The following ESYT3 variants were observed in gnomAD, a reference collection of about 807,000 sequenced individuals.
ESYT3 encodes extended synaptotagmin 3, also known as extended synaptotagmin-3.
ESYT3 carries 101 observed loss-of-function variants against 111.5 expected under a neutral mutation model. The ratio of observed to expected loss-of-function variants is 0.91; its 90% CI spans 0.77 to 1.07. ESYT3 has a LOEUF of 1.07. ESYT3 is among the 50% of genes least tolerant of loss of function. The pLI is 0.00. For missense variants in ESYT3, 1,097 were observed against 1,109.4 expected (o/e 0.99, Z 0.16); for synonymous variants, 416 against 446.8 (o/e 0.93, Z 0.87).
chr3:138,474,400 T>C (rs1188689049), intron 20 of ESYT3, 48 bp downstream of exon 20: 2 of 1,533,238 alleles, frequency 1.3e-6, no homozygotes, highest in Non-Finnish European at 1.7e-6. Context: ...ATTCAAGTAT[T>C]TTCCAAGTAC....
At chr3:138,443,265 T>C (rs1162341168) in intron 1 of ESYT3, among the ~76,000 whole-genome samples, 1 of 152,226 alleles carries the variant, frequency 6.6e-6, no homozygotes, top group African/African-American at 2.4e-5. Flanking sequence ...GGCAAAGCAA[T>C]TGTTTCCCTC....
chr3:138,463,042 G>A (rs1013302437), intron 8 of ESYT3, among the ~76,000 whole-genome samples: 39 of 152,066 alleles, frequency 2.6e-4, no homozygotes, highest in African/African-American at 8.2e-4. Context: ...CCCTTTCTTC[G>A]ATAGATGGCA....
chr3:138,463,213 G>A (rs1011211952), intron 8 of ESYT3, among the ~76,000 whole-genome samples: 1 of 152,036 alleles, frequency 6.6e-6, no homozygotes, highest in African/African-American at 2.4e-5. Flanking sequence ...TCCAGCCTCA[G>A]CCTTCTGAGT....
intron 9 of ESYT3, 81 bp downstream of exon 9, chr3:138,464,596 G>T: frequency 6.8e-7 from 1 of 1,469,092 alleles, no homozygotes; most frequent in Middle Eastern, 1.7e-4. Flanking sequence ...ACTAGGCAGG[G>T]AGTGGGCCTT....
chr3:138,439,361 C>T (rs1434885568), intron 1 of ESYT3, among the ~76,000 whole-genome samples: 1 of 152,084 alleles, frequency 6.6e-6, no homozygotes, highest in African/African-American at 2.4e-5. Context: ...TGTGGAACCC[C>T]CTGCACCCTG....
intron 1 of ESYT3, among the ~76,000 whole-genome samples, chr3:138,450,087 GAATC>G (rs2031826442): frequency 6.6e-6 from 1 of 152,164 alleles, no homozygotes; most frequent in South Asian, 2.1e-4. Flanking sequence ...AGTGACGAAC[GAATC>G]AATCAAAGGG....
In ESYT3 at chr3:138,435,253, C is replaced by T; in HGVS notation, c.327+128C>T. 1.1e-6 allele frequency: 1 copy of T among 906,924 alleles called. No individual in the cohort carries two copies. Among genetic ancestry groups the T allele is most frequent in the Non-Finnish European group, 1.6e-6 (1 of 618,876 alleles). 56.2% of individuals were successfully genotyped at this position (906,924 alleles called of 1,614,324 possible). The stretch of plus-strand genomic sequence containing the variant: ...CGGGAGCCCGGCGACCTGCACACCC[C>T]GTTCCCCACCGCTCCCGGGGCGCAG... On this transcript the variant is annotated intron_variant, in intron 1 of 22. Transcript: ENST00000389567. The surrounding 1 kb of genome is among the most constrained non-coding windows in gnomAD (Gnocchi z 4.8).
intron 2 of ESYT3, among the ~76,000 whole-genome samples, chr3:138,454,776 C>G (rs1217490818): frequency 1.3e-5 from 2 of 152,200 alleles, no homozygotes; most frequent in Non-Finnish European, 2.9e-5. Flanking sequence ...AAAATGAAAT[C>G]CACAGGAAAC....
Position 138,459,927 on chromosome 3 carries a change from C to A in ESYT3, c.649-18C>A. ...AAAGTAGGCCTGGGCCCCTCACGGGCCCTCTGTGCCTATCCAGTTGCAGGG... is the reference window on the plus strand; with the variant it reads ...AAAGTAGGCCTGGGCCCCTCACGGGACCTCTGTGCCTATCCAGTTGCAGGG... On this transcript the variant is annotated intron_variant, in intron 5 of 22. Coordinates refer to ENST00000389567, the MANE Select transcript of ESYT3 (RefSeq NM_031913.5). The A allele has an allele frequency of 6.2e-7, 1 of 1,611,140 alleles. No individual in the cohort carries two copies. The highest frequency in any genetic ancestry group is 8.5e-7 in the Non-Finnish European group (1 of 1,177,812).
intron 8 of ESYT3, among the ~76,000 whole-genome samples, chr3:138,463,496 A>G (rs938368194): frequency 3.3e-5 from 5 of 152,240 alleles, no homozygotes; most frequent in African/African-American, 4.8e-5. Context: ...GTACTTCACT[A>G]TGGGAATGTA....
Position 138,477,846 on chromosome 3 carries a change from A to T in ESYT3, c.*992A>T, listed in dbSNP as rs2033558140. 1 of 152,148 alleles carries T rather than the reference A, an allele frequency of 6.6e-6. No individual in the cohort carries two copies. The highest frequency in any genetic ancestry group is 2.4e-5 in the African/African-American group (1 of 41,432). 9.4% of individuals were successfully genotyped at this position (152,148 alleles called of 1,614,324 possible). ...CCTCCTCTTCTCTCTTACCAACACC[A>T]ACACTACCTGCCGTCAGTTTTCTGT... is the stretch of plus-strand genomic sequence containing the variant. On this transcript the variant is annotated 3_prime_UTR_variant, in exon 23 of 23. Transcript: ENST00000389567.
chr3:138,460,269 C>T (rs767869028), intron 6 of ESYT3, among the ~76,000 whole-genome samples: 6 of 152,198 alleles, frequency 3.9e-5, no homozygotes, highest in Non-Finnish European at 8.8e-5. Flanking sequence ...GAATTGGAGC[C>T]GAGGCTCAAA....
At chr3:138,460,860 C>T (rs2032594223) in intron 7 of ESYT3, among the ~76,000 whole-genome samples, 194 bp downstream of exon 7, 1 of 152,150 alleles carries the variant, frequency 6.6e-6, no homozygotes, top group African/African-American at 2.4e-5. Flanking sequence ...GTGCCCAGCA[C>T]ACCCCCCGCC....
chr3:138,453,091 C>T (rs2032048627), intron 2 of ESYT3, among the ~76,000 whole-genome samples: 1 of 152,172 alleles, frequency 6.6e-6, no homozygotes. Context: ...AGAACATTCT[C>T]AGCCTCTGGG....
intron 1 of ESYT3, among the ~76,000 whole-genome samples, chr3:138,448,190 C>T (rs940299738): frequency 2.7e-5 from 4 of 149,616 alleles, no homozygotes; most frequent in Non-Finnish European, 3.0e-5. Flanking sequence ...TCACTTGAAC[C>T]CAGTGGGTGG....
In ESYT3 at chr3:138,464,384, G is replaced by C; in HGVS notation, c.955G>C (p.Ala319Pro). The C allele has an allele frequency of 6.2e-7, 1 of 1,614,126 alleles. No individual in the cohort carries two copies. Among genetic ancestry groups the C allele is most frequent in the Non-Finnish European group, 8.5e-7 (1 of 1,179,990 alleles). ...GCACTTGCTGGAGGCAGAGCAGCTG[G>C]CCCAGAAGGACAACTTTCTGGGGCT... is the stretch of plus-strand genomic sequence containing the variant. ...RVHLLEAEQL[A>P]QKDNFLGLRG... Residue 319 changes from alanine (A) to proline (P), a missense_variant, in exon 9 of 23, where the codon GCC (alanine) becomes CCC (proline). Physicochemically the swap from Ala to Pro is conservative, Grantham distance 27 (BLOSUM62 -1). Coordinates refer to ENST00000389567, the MANE Select transcript of ESYT3 (RefSeq NM_031913.5).
chr3:138,448,266 TAAAA>T lies in ESYT3; in HGVS notation c.328-3758_328-3755del, dbSNP rs71146126. ...TGGGCAACAAAAATGAAACTCGATC[TAAAA>T]AAAAAAAAAAAAAAAAAAAAAAATG... On this transcript the variant is annotated intron_variant, in intron 1 of 22. Transcript: ENST00000389567. Among the ~76,000 whole-genome samples the T allele has an allele frequency of 7.8e-3, 347 of 44,598 alleles. 2 individuals are homozygous for T. Among genetic ancestry groups the T allele is most frequent in the African/African-American group, 0.031 (339 of 10,972 alleles). 29.3% of individuals were successfully genotyped at this position (44,598 alleles called of 152,430 possible).
Position 138,455,287 on chromosome 3 carries a change from C to T in ESYT3, c.463C>T (p.Leu155=). The stretch of plus-strand genomic sequence containing the variant: ...CAAGATCCGAGAGAAGAGCATCCAC[C>T]TGAGGACCTTTACCTTTACCAAGCT... ...EPKIREKSIH[L]RTFTFTKLYF... is the part of the protein sequence containing the mutation. The change falls in exon 3 of 23, where the codon CTG becomes TTG. Residue 155 remains leucine, a synonymous_variant. Coordinates refer to ENST00000389567, the MANE Select transcript of ESYT3 (RefSeq NM_031913.5). 1 of 1,614,160 alleles carries T rather than the reference C, an allele frequency of 6.2e-7. No individual in the cohort carries two copies. Among genetic ancestry groups the T allele is most frequent in the Non-Finnish European group, 8.5e-7 (1 of 1,180,022 alleles).
chr3:138,476,878 C>CTTTATATTAAAATGTATA lies in ESYT3; in HGVS notation c.*26_*43dup, dbSNP rs1432740565. On this transcript the variant is annotated 3_prime_UTR_variant, in exon 23 of 23. Coordinates refer to ENST00000389567, the MANE Select transcript of ESYT3 (RefSeq NM_031913.5). ...GATGATGAGAATTCTTATCACTCAC[C>CTTTATATTAAAATGTATA]TTTATATTAAAATGTATATATATGT... 1 of 1,605,312 alleles carries CTTTATATTAAAATGTATA rather than the reference C, an allele frequency of 6.2e-7. No individual in the cohort carries two copies. Among genetic ancestry groups the CTTTATATTAAAATGTATA allele is most frequent in the Non-Finnish European group, 8.5e-7 (1 of 1,172,552 alleles).
Sources: allele counts gnomAD v4.1 joint callset (sites outside exome capture counted in the v4.1 genomes callset), GRCh38; gene constraint gnomAD v4.1.1; non-coding constraint Gnocchi (gnomAD v3.1); transcripts MANE v1.5; gene names NCBI Gene and HGNC (gene_info 2026-07-23, HGNC 2026-07-21).